The following ST18 variants were observed in gnomAD, a reference collection of about 807,000 sequenced individuals.
ST18 encodes suppression of tumorigenicity 18 protein.
In ST18, 50 loss-of-function variants were observed where a neutral mutation model predicts 110.0. The ratio of observed to expected loss-of-function variants is 0.45; its 90% CI spans 0.36 to 0.58. ST18 has a LOEUF of 0.58. Among genes scored for constraint, ST18 ranks in the 20% least tolerant of loss-of-function variants. The pLI, the probability that ST18 is intolerant of heterozygous loss-of-function variation, is 0.00. For synonymous variants in ST18, 461 were observed against 452.4 expected (o/e 1.02, Z -0.24); for missense variants, 1,306 against 1,280.1 (o/e 1.02, Z -0.31).
In ST18 at chr8:52,193,779, G is replaced by C. The variant is rs527782507; in HGVS notation, c.87-13467C>G. Among the ~76,000 whole-genome samples the C allele has an allele frequency of 3.3e-5, 5 of 152,308 alleles. No individual in the cohort carries two copies. In the East Asian group the frequency reaches 5.8e-4, roughly 18 times the overall value. ...ACCCAGTGAGGACTGTGAAGCTATT[G>C]CTCATTCTGTAAGGATAATCCCTGA... On this transcript the variant is annotated intron_variant, in intron 8 of 25. Transcript: ENST00000689386.
intron 8 of ST18, among the ~76,000 whole-genome samples, chr8:52,202,866 G>C (rs1218436741): frequency 6.6e-6 from 1 of 152,088 alleles, no homozygotes; most frequent in Non-Finnish European, 1.5e-5. Flanking sequence ...TGGGAAGGGG[G>C]ATAAAAGTGA....
intron 2 of ST18, among the ~76,000 whole-genome samples, chr8:52,337,138 A>C (rs1812478636): frequency 6.6e-6 from 1 of 152,228 alleles, no homozygotes; most frequent in Non-Finnish European, 1.5e-5. Context: ...TCATAGACCA[A>C]GTAAAGATGT....
At chr8:52,190,173 T>A (rs555535109) in intron 8 of ST18, among the ~76,000 whole-genome samples, 1 of 152,188 alleles carries the variant, frequency 6.6e-6, no homozygotes, top group Admixed American at 6.5e-5. Context: ...TAAAAAATAT[T>A]GTATGGAATT....
chr8:52,248,095 G>A lies in ST18; in HGVS notation c.-464-18018C>T, dbSNP rs79134382. Among the ~76,000 whole-genome samples, 1,119 of 152,136 alleles carry A rather than the reference G, an allele frequency of 7.4e-3. 52 individuals are homozygous for A. Among genetic ancestry groups the A allele is most frequent in the Admixed American group, 0.062 (950 of 15,252 alleles). ...GAAAAAAAATGGTAAAGAAGTATGTGACCTCTGATCATCCAGACCATATTA... is the reference window on the plus strand; with the variant it reads ...GAAAAAAAATGGTAAAGAAGTATGTAACCTCTGATCATCCAGACCATATTA... On this transcript the variant is annotated intron_variant, in intron 2 of 25. Transcript: ENST00000689386.
At chr8:52,359,662 AAAATGGCAGAGCCAGGATT>A (rs1824809577) in intron 2 of ST18, among the ~76,000 whole-genome samples, 1 of 152,152 alleles carries the variant, frequency 6.6e-6, no homozygotes, top group Non-Finnish European at 1.5e-5. Context: ...AAGTAGTAAA[AAAATGGCAGAGCCAGGATT>A]TTAATCCAAA....
chr8:52,216,998 T>C (rs1258428082), intron 6 of ST18, among the ~76,000 whole-genome samples: 1 of 152,222 alleles, frequency 6.6e-6, no homozygotes, highest in Non-Finnish European at 1.5e-5. Flanking sequence ...GAAATCAACC[T>C]AACTTGTTCT....
intron 2 of ST18, among the ~76,000 whole-genome samples, chr8:52,352,826 T>C (rs1370055158): frequency 6.6e-6 from 1 of 152,220 alleles, no homozygotes. Flanking sequence ...ACCTGCTGAG[T>C]TACCACCTAT....
intron 2 of ST18, among the ~76,000 whole-genome samples, chr8:52,388,071 A>G (rs1222003063): frequency 6.6e-6 from 1 of 151,936 alleles, no homozygotes; most frequent in East Asian, 1.9e-4. Context: ...CAATATAGAT[A>G]CAGTCAGTTT....
intron 12 of ST18, 114 bp from the exon 13 acceptor site, chr8:52,164,204 T>C: frequency 1.2e-6 from 1 of 866,880 alleles, no homozygotes; most frequent in Non-Finnish European, 1.9e-6. Context: ...ATATTAATAG[T>C]TCACTTAGCA....
At chr8:52,276,153 C>CAT (rs1564393049) in intron 2 of ST18, among the ~76,000 whole-genome samples, 1 of 12,976 alleles carries the variant, frequency 7.7e-5, no homozygotes, top group Non-Finnish European at 1.8e-4. Flanking sequence ...ATGCACACCA[C>CAT]GCACCACACA....
At chr8:52,328,208 A>C (rs1807378000) in intron 2 of ST18, among the ~76,000 whole-genome samples, 1 of 152,210 alleles carries the variant, frequency 6.6e-6, no homozygotes, top group Non-Finnish European at 1.5e-5. Flanking sequence ...AAGCCTCAAT[A>C]GTTTTCCTGC....
At chr8:52,387,882 A>C (rs946401892) in intron 2 of ST18, among the ~76,000 whole-genome samples, 2 of 152,136 alleles carry the variant, frequency 1.3e-5, no homozygotes, top group Non-Finnish European at 2.9e-5. Context: ...GACTAAACAT[A>C]ACTTCCTGTT....
At chr8:52,266,881 G>T (rs1231224596) in intron 2 of ST18, among the ~76,000 whole-genome samples, 1 of 152,126 alleles carries the variant, frequency 6.6e-6, no homozygotes, top group Admixed American at 6.5e-5. Context: ...GATTAGAGGG[G>T]GCTATAAAGC....
intron 5 of ST18, among the ~76,000 whole-genome samples, chr8:52,219,169 T>G (rs2085634939): frequency 6.6e-6 from 1 of 152,070 alleles, no homozygotes; most frequent in Non-Finnish European, 1.5e-5. Context: ...CAGCTCACAA[T>G]GGGAGCAAAG....
At chr8:52,115,323 C>G (rs758176512) in intron 25 of ST18, among the ~76,000 whole-genome samples, 17 of 152,162 alleles carry the variant, frequency 1.1e-4, no homozygotes, top group South Asian at 2.1e-4. Context: ...AATGTAGTCT[C>G]TCCTCCAAAG....
chr8:52,385,924 T>A (rs1331460803), intron 2 of ST18, among the ~76,000 whole-genome samples: 1 of 152,186 alleles, frequency 6.6e-6, no homozygotes, highest in East Asian at 1.9e-4. Context: ...TCTCTTACTG[T>A]GTCCTAGGGA....
At chr8:52,227,557 G>C (rs1427916750) in intron 3 of ST18, among the ~76,000 whole-genome samples, 1 of 152,090 alleles carries the variant, frequency 6.6e-6, no homozygotes, top group African/African-American at 2.4e-5. Flanking sequence ...TTCTTGGCTT[G>C]GTTAAACAAT....
At position 52,119,339 on chromosome 8, in the gene ST18, C is replaced by T. The variant is rs556688962; in HGVS notation, c.2756-898G>A. Among the ~76,000 whole-genome samples, 8 of 152,056 alleles carry T rather than the reference C, an allele frequency of 5.3e-5. No homozygotes were observed. The South Asian group carries it at 1.0e-3, about 20-fold the overall frequency. The stretch of plus-strand genomic sequence containing the variant: ...GGGAAGGTAGTTAATATTAAGGGTG[C>T]GGGAAGCAGGATTGGAGGTAATTTA... On this transcript the variant is annotated intron_variant, in intron 23 of 25. Coordinates refer to ENST00000689386, the MANE Select transcript of ST18 (RefSeq NM_001352837.2).
chr8:52,367,235 C>CACACACACA (rs1455266686), intron 2 of ST18, among the ~76,000 whole-genome samples: 3 of 130,444 alleles, frequency 2.3e-5, no homozygotes, highest in Non-Finnish European at 4.8e-5. Context: ...GGGACCCTGT[C>CACACACACA]TCACACACAC....
Sources: gnomAD v4.1 joint callset for allele counts (sites outside exome capture counted in the v4.1 genomes callset) on GRCh38, gnomAD v4.1.1 for gene constraint, MANE v1.5 for transcripts, NCBI Gene and HGNC (gene_info 2026-07-23, HGNC 2026-07-21) for gene names.